The following MTMR14 variants were observed in gnomAD, a reference collection of about 807,000 sequenced individuals.
The protein encoded by MTMR14 is myotubularin related protein 14.
Under a neutral mutation model 86.3 loss-of-function variants are expected in MTMR14, and 48 were observed. The observed-to-expected ratio is 0.56, with a 90% CI of 0.44 to 0.71. The LOEUF (loss-of-function observed/expected upper bound fraction) is 0.71, where lower values mean the gene tolerates loss of function less well. MTMR14 is among the 30% of genes least tolerant of loss of function. The probability of loss-of-function intolerance (pLI) is 0.00; values close to 1 mark genes in which losing one functional copy is unlikely to be tolerated. For missense variants in MTMR14, 780 were observed against 834.6 expected (o/e 0.93, Z 0.81); for synonymous variants, 366 against 326.1 (o/e 1.12, Z -1.32).
At chr3:9,689,849 C>G in intron 16 of MTMR14, 115 bp from the exon 17 acceptor site, 1 of 1,060,546 alleles carries the variant, frequency 9.4e-7, no homozygotes, top group Non-Finnish European at 1.4e-6. Flanking sequence ...TGTTTGCCAA[C>G]TCATGTGATG....
At position 9,677,960 on chromosome 3, in the gene MTMR14, T is replaced by C; in HGVS notation, c.823-24T>C. The C allele has an allele frequency of 6.2e-7, 1 of 1,612,896 alleles. No individual in the cohort carries two copies. The highest frequency in any genetic ancestry group is 1.1e-5 in the South Asian group (1 of 90,942). On this transcript the variant is annotated intron_variant, in intron 8 of 18. Transcript: ENST00000296003. This position sits in a 1 kb window ranked among gnomAD's most constrained non-coding sequence, Gnocchi z 4.2. ...CCTCCTCTGGTGGCCAACCCACATC[T>C]CACAGGAGTCTTTCTGTCCCCAGGA...
chr3:9,686,792 G>A (rs546600776), intron 13 of MTMR14, among the ~76,000 whole-genome samples: 5 of 152,242 alleles, frequency 3.3e-5, no homozygotes, highest in African/African-American at 9.6e-5. Flanking sequence ...CTCTGAGAGA[G>A]GGGCTCATGG....
chr3:9,655,181 A>G (rs982507345), intron 2 of MTMR14, among the ~76,000 whole-genome samples: 2 of 152,098 alleles, frequency 1.3e-5, no homozygotes, highest in African/African-American at 4.8e-5. Context: ...AGCCTGGCCA[A>G]CATGGTGAAA....
chr3:9,671,301 T>C, intron 6 of MTMR14, 131 bp downstream of exon 6: 1 of 1,287,310 alleles, frequency 7.8e-7, no homozygotes, highest in Non-Finnish European at 1.1e-6. Flanking sequence ...TCTCACTGTA[T>C]CTTCAGACAG....
At chr3:9,680,444 C>T (rs2075723396) in intron 9 of MTMR14, among the ~76,000 whole-genome samples, 1 of 152,190 alleles carries the variant, frequency 6.6e-6, no homozygotes, top group Admixed American at 6.5e-5. Context: ...TGCCTTAAAA[C>T]CTACCACTGA....
chr3:9,663,428 G>T (rs2048051519), intron 3 of MTMR14, among the ~76,000 whole-genome samples: 1 of 144,942 alleles, frequency 6.9e-6, no homozygotes, highest in African/African-American at 2.5e-5. Context: ...TCTTAAAGCT[G>T]TTGCCACTTT....
At chr3:9,676,699 T>C (rs932000555) in intron 7 of MTMR14, among the ~76,000 whole-genome samples, 1 of 152,256 alleles carries the variant, frequency 6.6e-6, no homozygotes, top group Non-Finnish European at 1.5e-5. Flanking sequence ...AGTGTTTCTC[T>C]CTGTTCCTGA....
In MTMR14 at chr3:9,690,148, G is replaced by A; in HGVS notation, c.1613+5G>A. On this transcript the variant is annotated splice_donor_5th_base_variant and intron_variant, in intron 17 of 18. Transcript: ENST00000296003. ...CCTGGAGGTCCCCAAACCCAGGTGA[G>A]GAGCTCCAAAGCCCTTGCTGTTGGA... 1 of 1,613,550 alleles carries A rather than the reference G, an allele frequency of 6.2e-7. No individual in the cohort carries two copies. Among genetic ancestry groups the A allele is most frequent in the East Asian group, 2.2e-5 (1 of 44,880 alleles).
chr3:9,685,519 T>G (rs1042846192), intron 13 of MTMR14, among the ~76,000 whole-genome samples: 1 of 152,114 alleles, frequency 6.6e-6, no homozygotes, highest in Non-Finnish European at 1.5e-5. Context: ...CCTGTGATCT[T>G]CCCTCTCACA....
chr3:9,658,509 G>A (rs1037864804), intron 2 of MTMR14, among the ~76,000 whole-genome samples: 3 of 152,336 alleles, frequency 2.0e-5, no homozygotes, highest in South Asian at 4.1e-4. Context: ...GTCCAATAAA[G>A]AAGCAATAAT....
intron 7 of MTMR14, among the ~76,000 whole-genome samples, chr3:9,674,915 C>T (rs2048771475): frequency 6.6e-6 from 1 of 152,198 alleles, no homozygotes; most frequent in Non-Finnish European, 1.5e-5. Flanking sequence ...AGTTCAAGAC[C>T]AGCCTGACCA....
chr3:9,664,769 A>C (rs1425104055), intron 3 of MTMR14, among the ~76,000 whole-genome samples: 1 of 152,224 alleles, frequency 6.6e-6, no homozygotes, highest in Non-Finnish European at 1.5e-5. Flanking sequence ...TTCTGACAGG[A>C]ACAAGGGGGA....
chr3:9,659,866 C>A (rs1054767247), intron 2 of MTMR14: 2 of 455,948 alleles, frequency 4.4e-6, no homozygotes, highest in African/African-American at 4.0e-5. Context: ...TGTCCTCCAC[C>A]AGGGGTGTTT....
In MTMR14 at chr3:9,671,085, T is replaced by C; in HGVS notation, c.592T>C (p.Tyr198His). ...GCATCTTTTTGATAAGGTCAGAGGC[T>C]ATGACATCAAGCTGCTTCGATACCT... The part of the protein sequence containing the change: ...DTHLFDKVRG[Y>H]DIKLLRYLSV... The change falls in exon 6 of 19, where the codon TAT (tyrosine) becomes CAT (histidine). Residue 198 changes from tyrosine (Y) to histidine (H), a missense_variant. Coordinates refer to ENST00000296003, the MANE Select transcript of MTMR14 (RefSeq NM_001077525.3). The C allele has an allele frequency of 8.7e-6, 14 of 1,614,226 alleles. No individual in the cohort carries two copies. The highest frequency in any genetic ancestry group is 1.2e-5 in the Non-Finnish European group (14 of 1,180,034).
chr3:9,698,279 A>T (rs759827761), intron 18 of MTMR14, among the ~76,000 whole-genome samples: 1 of 152,222 alleles, frequency 6.6e-6, no homozygotes, highest in African/African-American at 2.4e-5. Flanking sequence ...CCTGAGCAGA[A>T]CCTAGGGTTA....
At chr3:9,672,641 G>A (rs1163152799) in intron 6 of MTMR14, 44 bp from the exon 7 acceptor site, 1 of 1,485,590 alleles carries the variant, frequency 6.7e-7, no homozygotes, top group Admixed American at 1.7e-5. Context: ...GTGTGTTTGT[G>A]TGTGTGTTGC....
chr3:9,657,740 G>A (rs538331718), intron 2 of MTMR14, among the ~76,000 whole-genome samples: 85 of 152,064 alleles, frequency 5.6e-4, no homozygotes, highest in African/African-American at 2.0e-3. Context: ...TAGTAAAGAC[G>A]GGGTTTCAAC....
chr3:9,691,312 C>T (rs1379216285), intron 17 of MTMR14, among the ~76,000 whole-genome samples: 1 of 152,200 alleles, frequency 6.6e-6, no homozygotes, highest in African/African-American at 2.4e-5. Context: ...AGAGATGGGG[C>T]CAGACAGACA....
At chr3:9,681,167 C>A (rs2075755998) in intron 9 of MTMR14, among the ~76,000 whole-genome samples, 1 of 152,184 alleles carries the variant, frequency 6.6e-6, no homozygotes, top group Admixed American at 6.5e-5. Context: ...GTGAGGCTTA[C>A]TGAATGAATG....
Sources: allele counts gnomAD v4.1 joint callset (sites outside exome capture counted in the v4.1 genomes callset), GRCh38; gene constraint gnomAD v4.1.1; non-coding constraint Gnocchi (gnomAD v3.1); transcripts MANE v1.5; gene names NCBI Gene and HGNC (gene_info 2026-07-23, HGNC 2026-07-21).